The following HHLA1 variants were observed in gnomAD, a reference collection of about 807,000 sequenced individuals.
The protein encoded by HHLA1 is HHLA1 neighbor of OC90.
Under a neutral mutation model 69.9 loss-of-function variants are expected in HHLA1, and 72 were observed. The observed-to-expected ratio is 1.03, with a 90% CI of 0.85 to 1.25. The LOEUF is 1.25. Among genes scored for constraint, HHLA1 ranks in the 50% most tolerant of loss-of-function variants. HHLA1 has a pLI of 0.00. For synonymous variants in HHLA1, 252 were observed against 233.2 expected (o/e 1.08, Z -0.73); for missense variants, 685 against 642.2 (o/e 1.07, Z -0.72).
rs1297309451 is a variant in HHLA1 at position 132,110,616 on chromosome 8, AGGCC to A, written c.-22+482_-22+485del. Among the ~76,000 whole-genome samples, 4 of 152,220 alleles carry A rather than the reference AGGCC, an allele frequency of 2.6e-5. No individual in the cohort carries two copies. In the South Asian group the frequency reaches 6.2e-4, roughly 24 times the overall value. On this transcript the variant is annotated intron_variant, in intron 1 of 16. Coordinates refer to ENST00000414222, the MANE Select transcript of HHLA1 (RefSeq NM_001145095.3). ...GGAAACCAAGCCTCAGACAAACATAAGGCCCAAGGGAATGCATCTGGGAGAACCA... is the reference window on the plus strand; with the variant it reads ...GGAAACCAAGCCTCAGACAAACATAACAAGGGAATGCATCTGGGAGAACCA...
At position 132,062,603 on chromosome 8, in the gene HHLA1, A is replaced by C. The variant is rs1823370994; in HGVS notation, c.*1392T>G. On this transcript the variant is annotated 3_prime_UTR_variant, in exon 17 of 17. Transcript: ENST00000414222. ...AAACTGTCCCTGGTAATGAGAAATAAGGGGTCCGTGCAGAGCCACTGGAGA... is the reference window on the plus strand; with the variant it reads ...AAACTGTCCCTGGTAATGAGAAATACGGGGTCCGTGCAGAGCCACTGGAGA... 1 of 152,336 alleles carries C rather than the reference A, an allele frequency of 6.6e-6. No individual in the cohort carries two copies. Among genetic ancestry groups the C allele is most frequent in the Non-Finnish European group, 1.5e-5 (1 of 68,130 alleles). 9.4% of individuals were successfully genotyped at this position (152,336 alleles called of 1,614,324 possible).
chr8:132,083,090 G>A (rs1823787440), intron 10 of HHLA1, among the ~76,000 whole-genome samples: 1 of 151,922 alleles, frequency 6.6e-6, no homozygotes, highest in South Asian at 2.1e-4. Context: ...TTAAGGTGGG[G>A]GGGATACAAG....
chr8:132,103,700 T>C (rs1449155851), intron 3 of HHLA1, among the ~76,000 whole-genome samples: 1 of 152,112 alleles, frequency 6.6e-6, no homozygotes, highest in Non-Finnish European at 1.5e-5. Flanking sequence ...AACCAAAAAA[T>C]TGTACTGCTT....
At chr8:132,081,295 A>T (rs1823749091) in intron 10 of HHLA1, among the ~76,000 whole-genome samples, 2 of 152,212 alleles carry the variant, frequency 1.3e-5, no homozygotes, top group African/African-American at 4.8e-5. Flanking sequence ...TGGTGTCTGG[A>T]ATGAGAAGCA....
chr8:132,091,098 A>G (rs1823939970), intron 7 of HHLA1, among the ~76,000 whole-genome samples: 1 of 151,974 alleles, frequency 6.6e-6, no homozygotes, highest in Non-Finnish European at 1.5e-5. Context: ...TATTCCATAT[A>G]TTTTCTTTCT....
chr8:132,101,951 T>C (rs952577293), intron 3 of HHLA1, among the ~76,000 whole-genome samples: 6 of 152,238 alleles, frequency 3.9e-5, no homozygotes, highest in Admixed American at 2.6e-4. Flanking sequence ...TTAGAACTTA[T>C]TCATCTTGTG....
At chr8:132,079,675 C>G (rs770534221) in intron 11 of HHLA1, 43 bp downstream of exon 11, 2 of 1,495,678 alleles carry the variant, frequency 1.3e-6, no homozygotes, top group East Asian at 2.5e-5. Flanking sequence ...GTAACAGGAG[C>G]GAGACATAGC....
At chr8:132,103,151 G>A (rs985072103) in intron 3 of HHLA1, among the ~76,000 whole-genome samples, 13 of 152,104 alleles carry the variant, frequency 8.5e-5, no homozygotes, top group Admixed American at 5.9e-4. Context: ...AAAATTGAAA[G>A]CTCAACTAAG....
Position 132,105,104 on chromosome 8 carries a change from G to T in HHLA1, c.79+83C>A, listed in dbSNP as rs1483030871. 7.1e-6 allele frequency: 7 copies of T among 991,626 alleles called. No homozygotes were observed. In the African/African-American group the frequency reaches 8.0e-5, roughly 11 times the overall value. The allele number at this position is 991,626 out of a possible 1,614,324, so 61.4% of individuals were successfully genotyped here. On this transcript the variant is annotated intron_variant, in intron 2 of 16. Coordinates refer to ENST00000414222, the MANE Select transcript of HHLA1 (RefSeq NM_001145095.3). ...CATTTGGATTCTGGGCAGAAATGTT[G>T]GCTGCTGAGGTTCTCTAAAGCACAG... is the stretch of plus-strand genomic sequence containing the variant.
chr8:132,105,149 T>C (rs1260954019), intron 2 of HHLA1, 38 bp downstream of exon 2: 3 of 1,453,662 alleles, frequency 2.1e-6, no homozygotes, highest in African/African-American at 1.4e-5. Flanking sequence ...CAACTTATTA[T>C]ACAGAACAGA....
At chr8:132,084,818 C>T (rs1823832194) in intron 10 of HHLA1, among the ~76,000 whole-genome samples, 1 of 149,780 alleles carries the variant, frequency 6.7e-6, no homozygotes, top group South Asian at 2.1e-4. Context: ...GGTTGGGGCA[C>T]AGAAATAAGG....
In HHLA1 at chr8:132,071,458, C is replaced by T. The variant is rs1490766162; in HGVS notation, c.1351G>A (p.Ala451Thr). The T allele has an allele frequency of 5.8e-6, 9 of 1,551,520 alleles. No individual in the cohort carries two copies. In the East Asian group the frequency reaches 1.5e-4, roughly 25 times the overall value. ...PQPLFKVGAM[A>T]AAPLTLAIQR... ...ATAGCCAGGGTGAGAGGAGCAGCTG[C>T]CATAGCTCCCACCTTGAAGAGTGGC... Residue 451 changes from alanine to threonine, a missense_variant, in exon 15 of 17, where the codon GCA (alanine) becomes ACA (threonine). Physicochemically the swap from Ala to Thr is moderately conservative, Grantham distance 58. Coordinates refer to ENST00000414222, the MANE Select transcript of HHLA1 (RefSeq NM_001145095.3).
chr8:132,072,496 T>C (rs57790650), intron 14 of HHLA1, among the ~76,000 whole-genome samples: 10,817 of 152,204 alleles, frequency 0.071, 657 homozygotes, highest in East Asian at 0.19. Context: ...TGACAGCCAC[T>C]AGAGCTACAA....
chr8:132,107,387 G>A (rs921503512), intron 1 of HHLA1, among the ~76,000 whole-genome samples: 5 of 151,972 alleles, frequency 3.3e-5, no homozygotes, highest in Admixed American at 6.6e-5. Flanking sequence ...TGCAACCTCC[G>A]CCTCCCAGGT....
chr8:132,084,716 C>G lies in HHLA1; in HGVS notation c.676+2937G>C, dbSNP rs1039074979. Among the ~76,000 whole-genome samples, 9 of 150,736 alleles carry G rather than the reference C, an allele frequency of 6.0e-5. 1 individual carries two copies. The highest frequency in any genetic ancestry group is 2.6e-4 in the Admixed American group (4 of 15,110). On this transcript the variant is annotated intron_variant, in intron 10 of 16. Coordinates refer to ENST00000414222, the MANE Select transcript of HHLA1 (RefSeq NM_001145095.3). ...GGAGGAATGGAAGGTGGAAGCTTAC[C>G]CATAGTGAAGGAGGCAAGCCTAGAG...
Position 132,076,493 on chromosome 8 carries a change from G to A in HHLA1, c.1222C>T (p.Pro408Ser), listed in dbSNP as rs1202790969. Residue 408 changes from proline (P) to serine (S), a missense_variant, in exon 13 of 17, where the codon CCC becomes TCC. Transcript: ENST00000414222. ...QTPSPTKATA[P>S]RYPQTGDLSA... ...TTCTCACCTGTTTGTGGATATCTGG[G>A]GGCTGTTGCCTTGGTTGGACTCGGA... 7.8e-6 allele frequency: 12 copies of A among 1,546,948 alleles called. No homozygotes were observed. The highest frequency in any genetic ancestry group is 7.0e-6 in the Non-Finnish European group (8 of 1,145,054).
intron 1 of HHLA1, among the ~76,000 whole-genome samples, chr8:132,106,463 G>T: frequency 6.6e-6 from 1 of 152,188 alleles, no homozygotes; most frequent in East Asian, 1.9e-4. Flanking sequence ...TGGGGCTTTC[G>T]TGGAATTCAC....
chr8:132,091,490 T>A (rs570322003), intron 7 of HHLA1, among the ~76,000 whole-genome samples: 36 of 152,364 alleles, frequency 2.4e-4, no homozygotes, highest in Admixed American at 3.9e-4. Context: ...TCATGAAACC[T>A]CTTGCTCAAT....
Position 132,076,496 on chromosome 8 carries a change from C to T in HHLA1, c.1219G>A (p.Ala407Thr). Reference sequence around the variant, plus strand: ...TCACCTGTTTGTGGATATCTGGGGGCTGTTGCCTTGGTTGGACTCGGAGTC... The same window carrying T: ...TCACCTGTTTGTGGATATCTGGGGGTTGTTGCCTTGGTTGGACTCGGAGTC... Reference protein sequence around the residue: ...TQTPSPTKATAPRYPQTGDLS... With the variant: ...TQTPSPTKATTPRYPQTGDLS... The change falls in exon 13 of 17, where the codon GCC becomes ACC. Residue 407 changes from alanine to threonine, a missense_variant. Transcript: ENST00000414222. 1 of 1,287,806 alleles carries T rather than the reference C, an allele frequency of 7.8e-7. No homozygotes were observed. 79.8% of individuals were successfully genotyped at this position (1,287,806 alleles called of 1,614,324 possible). A position where few individuals can be genotyped will look rare whatever the true frequency, so the allele number is the denominator to read the frequency against.
Sources: gnomAD v4.1 joint callset for allele counts (sites outside exome capture counted in the v4.1 genomes callset) on GRCh38, gnomAD v4.1.1 for gene constraint, MANE v1.5 for transcripts, NCBI Gene and HGNC (gene_info 2026-07-23, HGNC 2026-07-21) for gene names.